Variants in CNTLN observed in about 807,000 individuals in gnomAD.
CNTLN encodes centlein, centrosomal protein.
CNTLN carries 212 observed loss-of-function variants against 180.0 expected under a neutral mutation model. The ratio of observed to expected loss-of-function variants is 1.18; its 90% CI spans 1.05 to 1.32. The LOEUF is 1.32. Among genes scored for constraint, CNTLN ranks in the 40% most tolerant of loss-of-function variants. The probability of loss-of-function intolerance (pLI) is 0.00; values close to 1 mark genes in which losing one functional copy is unlikely to be tolerated. For missense variants in CNTLN, 2,095 were observed against 1,610.9 expected (o/e 1.30, Z -5.14); for synonymous variants, 722 against 563.1 (o/e 1.28, Z -3.99).
intron 12 of CNTLN, among the ~76,000 whole-genome samples, chr9:17,359,343 G>A (rs960589659): frequency 6.6e-6 from 1 of 151,788 alleles, no homozygotes; most frequent in African/African-American, 2.4e-5. Flanking sequence ...GGCATAAAAA[G>A]CACTAAATAG....
intron 1 of CNTLN, among the ~76,000 whole-genome samples, chr9:17,139,651 CTT>C (rs1817952143): frequency 6.7e-6 from 1 of 150,344 alleles, no homozygotes; most frequent in Non-Finnish European, 1.5e-5. Flanking sequence ...CAGAGTGAGA[CTT>C]TGTCTCAAAA....
intron 25 of CNTLN, among the ~76,000 whole-genome samples, chr9:17,490,842 GC>G (rs778031446): frequency 3.3e-5 from 5 of 151,974 alleles, no homozygotes; most frequent in Admixed American, 6.6e-5. Context: ...CGTGTGTTGT[GC>G]CCCCCACCAA....
chr9:17,292,989 C>T (rs1829514476), intron 6 of CNTLN, among the ~76,000 whole-genome samples: 1 of 152,142 alleles, frequency 6.6e-6, no homozygotes, highest in African/African-American at 2.4e-5. Flanking sequence ...TTGTTGCTTT[C>T]TGTTTGTTTT....
At chr9:17,508,151 C>A (rs368985594), downstream of CNTLN, among the ~76,000 whole-genome samples, 19 of 152,294 alleles carry the variant, frequency 1.2e-4, no homozygotes, top group African/African-American at 3.6e-4. Flanking sequence ...AACCGTGACA[C>A]TCTCCTCATG....
intron 23 of CNTLN, among the ~76,000 whole-genome samples, chr9:17,483,629 G>C (rs985384117): frequency 6.6e-6 from 1 of 152,144 alleles, no homozygotes; most frequent in African/African-American, 2.4e-5. Context: ...GTAACTTTTT[G>C]TTACCCACAC....
At chr9:17,253,045 ATTC>A (rs1826249962) in intron 5 of CNTLN, among the ~76,000 whole-genome samples, 1 of 151,410 alleles carries the variant, frequency 6.6e-6, no homozygotes, top group Non-Finnish European at 1.5e-5. Flanking sequence ...GCCAATGTAT[ATTC>A]TTAGTTGCTT....
Position 17,502,984 on chromosome 9 carries a change from G to T in CNTLN, c.*332G>T, listed in dbSNP as rs553118169. 1 of 156,852 alleles carries T rather than the reference G, an allele frequency of 6.4e-6. No individual in the cohort carries two copies. Among genetic ancestry groups the T allele is most frequent in the East Asian group, 1.9e-4 (1 of 5,382 alleles). 9.7% of individuals were successfully genotyped at this position (156,852 alleles called of 1,614,324 possible). On this transcript the variant is annotated 3_prime_UTR_variant, in exon 26 of 26. Coordinates refer to ENST00000380647, the MANE Select transcript of CNTLN (RefSeq NM_017738.4). ...ATTGGCCTGAGCATAAGAAGAAAAA[G>T]TATCAACTAAGGATTTAATGTTTTA...
intron 2 of CNTLN, among the ~76,000 whole-genome samples, chr9:17,188,018 A>G (rs1289864934): frequency 1.2e-5 from 1 of 85,708 alleles, no homozygotes; most frequent in Non-Finnish European, 2.1e-5. Flanking sequence ...CACCATATAT[A>G]TATATATATA....
chr9:17,449,171 T>A (rs1231576288), intron 18 of CNTLN, among the ~76,000 whole-genome samples: 1 of 152,194 alleles, frequency 6.6e-6, no homozygotes, highest in Non-Finnish European at 1.5e-5. Context: ...ATACTTTTGG[T>A]TCCCATTATC....
intron 12 of CNTLN, among the ~76,000 whole-genome samples, chr9:17,351,066 C>T (rs963049752): frequency 2.6e-5 from 4 of 152,108 alleles, no homozygotes; most frequent in South Asian, 4.1e-4. Context: ...TTCAAATTCT[C>T]GCCAGTATAT....
chr9:17,220,881 A>G (rs371587464), intron 2 of CNTLN, among the ~76,000 whole-genome samples: 5 of 152,180 alleles, frequency 3.3e-5, no homozygotes, highest in Admixed American at 2.0e-4. Context: ...TGTCTTTGCT[A>G]TTGTAAACAG....
chr9:17,272,237 C>T (rs1190022311), intron 5 of CNTLN, among the ~76,000 whole-genome samples: 2 of 151,914 alleles, frequency 1.3e-5, no homozygotes, highest in South Asian at 2.1e-4. Flanking sequence ...CCACCATGCC[C>T]AACTAATTTT....
chr9:17,322,412 T>G (rs1007989081), intron 8 of CNTLN, among the ~76,000 whole-genome samples: 10 of 152,074 alleles, frequency 6.6e-5, no homozygotes, highest in Non-Finnish European at 1.3e-4. Flanking sequence ...GCATGAAAAA[T>G]AAACCATTTC....
At chr9:17,473,289 A>G (rs1444338627) in intron 23 of CNTLN, among the ~76,000 whole-genome samples, 1 of 152,048 alleles carries the variant, frequency 6.6e-6, no homozygotes, top group African/African-American at 2.4e-5. Context: ...CTGCTTAGCC[A>G]CTCAATCTCA....
At chr9:17,266,029 T>A (rs1354886909) in intron 5 of CNTLN, among the ~76,000 whole-genome samples, 5 of 152,206 alleles carry the variant, frequency 3.3e-5, no homozygotes, top group Admixed American at 6.5e-5. Context: ...TTTTTGTGTT[T>A]CTATTTCCTT....
chr9:17,263,835 T>C (rs1827195569), intron 5 of CNTLN, among the ~76,000 whole-genome samples: 1 of 143,480 alleles, frequency 7.0e-6, no homozygotes, highest in African/African-American at 2.7e-5. Context: ...GCTGCATAAA[T>C]GTCTTCTTTT....
chr9:17,418,023 C>T (rs552418487), intron 18 of CNTLN, among the ~76,000 whole-genome samples: 11 of 152,072 alleles, frequency 7.2e-5, no homozygotes, highest in African/African-American at 2.4e-4. Flanking sequence ...ACCCTCAATT[C>T]TAGCTATTTC....
the CNTLN span, among the ~76,000 whole-genome samples, chr9:17,512,614 A>G: frequency 7.1e-6 from 1 of 139,878 alleles, no homozygotes; most frequent in Non-Finnish European, 1.6e-5. Flanking sequence ...TCCATGTAAC[A>G]AACTTGCACA....
At chr9:17,501,638 AG>A (rs1833759974) in intron 25 of CNTLN, among the ~76,000 whole-genome samples, 1 of 152,208 alleles carries the variant, frequency 6.6e-6, no homozygotes, top group African/African-American at 2.4e-5. Flanking sequence ...CCTGCAGGGA[AG>A]GGGGCTGGGC....
Sources: allele counts gnomAD v4.1 joint callset (sites outside exome capture counted in the v4.1 genomes callset), GRCh38; gene constraint gnomAD v4.1.1; transcripts MANE v1.5; gene names NCBI Gene and HGNC (gene_info 2026-07-23, HGNC 2026-07-21).